PHF21B: variants seen among roughly 807,000 people sequenced by gnomAD.
PHF21B encodes PHD finger protein 21B.
PHF21B carries 22 observed loss-of-function variants against 62.2 expected under a neutral mutation model. The ratio of observed to expected loss-of-function variants is 0.35; its 90% confidence interval spans 0.25 to 0.51. PHF21B has a LOEUF of 0.51. Ranked by LOEUF, PHF21B falls within the 20% of genes least tolerant of loss-of-function variation. The pLI is 0.97. For missense variants in PHF21B, 701 were observed against 707.9 expected, an observed-to-expected ratio of 0.99 and a Z score of 0.11; for synonymous variants, 341 against 314.7, an observed-to-expected ratio of 1.08 and a Z score of -0.88.
At chr22:44,903,484 C>A (rs971493576) in intron 5 of PHF21B, among the ~76,000 whole-genome samples, 9 of 151,950 alleles carry the variant, frequency 5.9e-5, no homozygotes, top group African/African-American at 1.7e-4. Context: ...GAAAAAAATT[C>A]TTGTTGCTAT....
intron 2 of PHF21B, among the ~76,000 whole-genome samples, chr22:44,937,123 C>G (rs1456746395): frequency 1.3e-5 from 2 of 152,158 alleles, no homozygotes; most frequent in African/African-American, 4.8e-5. Flanking sequence ...GCCTCGGCCT[C>G]CCAAACTGCT....
chr22:44,932,978 AG>A (rs2071770803), intron 2 of PHF21B, among the ~76,000 whole-genome samples: 1 of 152,252 alleles, frequency 6.6e-6, no homozygotes, highest in Non-Finnish European at 1.5e-5. Flanking sequence ...GGTGCCCACA[AG>A]CCCCTCAAAG....
chr22:44,948,499 C>T (rs545377105), intron 2 of PHF21B, among the ~76,000 whole-genome samples: 5 of 151,818 alleles, frequency 3.3e-5, no homozygotes, highest in Non-Finnish European at 5.9e-5. Context: ...CTAGCCAACA[C>T]GGCAAAATCC....
intron 2 of PHF21B, among the ~76,000 whole-genome samples, chr22:44,936,867 T>A: frequency 1.7e-5 from 1 of 60,428 alleles, no homozygotes; most frequent in East Asian, 7.1e-4. Flanking sequence ...ATCCACTTTC[T>A]TTCTTTTTTT....
rs144043506 is a variant in PHF21B at position 44,916,500 on chromosome 22, G to C, written c.344C>G (p.Thr115Ser). 1 of 1,608,684 alleles carries C rather than the reference G, an allele frequency of 6.2e-7. No homozygotes were observed. Among genetic ancestry groups the C allele is most frequent in the African/African-American group, 1.3e-5 (1 of 75,030 alleles). Residue 115 changes from threonine to serine, a missense_variant, in exon 4 of 13, where the codon ACC (threonine) becomes AGC (serine). By Grantham distance (58) the Thr-to-Ser change is moderately conservative. Transcript: ENST00000313237. ...SVKNPSPALP[T>S]ANNTVSHVPA... Reference sequence around the variant, plus strand: ...CACATGGCTGACAGTGTTGTTGGCGGTGGGGAGGGCTGGGCTGGGGTTCTT... The same window carrying C: ...CACATGGCTGACAGTGTTGTTGGCGCTGGGGAGGGCTGGGCTGGGGTTCTT...
intron 2 of PHF21B, among the ~76,000 whole-genome samples, chr22:44,979,613 G>A (rs2072801044): frequency 6.6e-6 from 1 of 152,176 alleles, no homozygotes; most frequent in Non-Finnish European, 1.5e-5. Flanking sequence ...TCCCCTCTTG[G>A]CTCCTCCAGC....
chr22:44,954,730 G>A (rs556878059), intron 2 of PHF21B, among the ~76,000 whole-genome samples: 2 of 152,208 alleles, frequency 1.3e-5, no homozygotes, highest in Non-Finnish European at 2.9e-5. Flanking sequence ...GGCACCGAGC[G>A]TATTGTGTTT....
intron 2 of PHF21B, among the ~76,000 whole-genome samples, chr22:44,928,901 C>T (rs906692172): frequency 6.6e-6 from 1 of 152,218 alleles, no homozygotes; most frequent in Non-Finnish European, 1.5e-5. Context: ...ACCGCTGAGG[C>T]CCCACTGCCG....
In PHF21B at chr22:44,883,182, C is replaced by T. The variant is rs771448144; in HGVS notation, c.1500G>A (p.Thr500=). 12 of 1,613,390 alleles carry T rather than the reference C, an allele frequency of 7.4e-6. No individual in the cohort carries two copies. Among genetic ancestry groups the T allele is most frequent in the South Asian group, 2.2e-5 (2 of 91,064 alleles). ...QGEQLLQVTM[T]TTSPAPLLAG... The stretch of plus-strand genomic sequence containing the variant: ...CCAGCAGTGGGGCAGGGCTAGTGGT[C>T]GTCATGGTGACCTGGAGCAGCTGCT... The change falls in exon 13 of 13, where the codon ACG becomes ACA. Residue 500 remains threonine (T), a synonymous_variant. Transcript: ENST00000313237.
Position 44,893,556 on chromosome 22 carries a change from G to C in PHF21B, c.884-23C>G, listed in dbSNP as rs2071004787. On this transcript the variant is annotated intron_variant, in intron 6 of 12. Coordinates refer to ENST00000313237, the MANE Select transcript of PHF21B (RefSeq NM_138415.5). ...TTTCTGGAAAGGCACAGACACAGCA[G>C]TTACTGGGTCCTGCCTGCCCTGGGA... 1.9e-6 allele frequency: 3 copies of C among 1,582,118 alleles called. No homozygotes were observed. In the African/African-American group the frequency reaches 4.0e-5, roughly 21 times the overall value.
intron 5 of PHF21B, among the ~76,000 whole-genome samples, chr22:44,905,607 G>C (rs1246952766): frequency 2.0e-5 from 3 of 152,024 alleles, no homozygotes; most frequent in East Asian, 1.9e-4. Context: ...AGACTTACCT[G>C]GGCACAATTT....
At chr22:44,990,517 G>T (rs976341181) in intron 2 of PHF21B, among the ~76,000 whole-genome samples, 9 of 152,328 alleles carry the variant, frequency 5.9e-5, no homozygotes, top group African/African-American at 2.2e-4. Flanking sequence ...GCTACAACAT[G>T]CGTGAATTAC....
At chr22:45,005,338 C>T (rs1270282266) in intron 2 of PHF21B, among the ~76,000 whole-genome samples, 2 of 152,222 alleles carry the variant, frequency 1.3e-5, no homozygotes, top group Non-Finnish European at 2.9e-5. Flanking sequence ...AACTCATCAG[C>T]TCTGACCAAC....
intron 2 of PHF21B, among the ~76,000 whole-genome samples, chr22:44,954,943 G>A (rs1344317713): frequency 2.6e-5 from 4 of 152,216 alleles, no homozygotes; most frequent in Non-Finnish European, 5.9e-5. Flanking sequence ...CAGGACGGGT[G>A]ATGTTGGGAG....
chr22:44,935,924 C>T (rs1440202224), intron 2 of PHF21B, among the ~76,000 whole-genome samples: 1 of 152,136 alleles, frequency 6.6e-6, no homozygotes, highest in Non-Finnish European at 1.5e-5. Flanking sequence ...GGGCTGGGGC[C>T]CAGAGCTGAG....
At chr22:44,894,215 G>A (rs952363727) in intron 6 of PHF21B, among the ~76,000 whole-genome samples, 2 of 152,218 alleles carry the variant, frequency 1.3e-5, no homozygotes, top group African/African-American at 4.8e-5. Context: ...GAATAACACA[G>A]GGTCTAAAGA....
intron 8 of PHF21B, 113 bp from the exon 9 acceptor site, chr22:44,889,895 G>T: frequency 1.7e-6 from 2 of 1,173,960 alleles, no homozygotes; most frequent in Non-Finnish European, 2.3e-6. Context: ...AGGGCATGAT[G>T]GGAGCATCAT....
In PHF21B at chr22:44,974,651, C is replaced by G. The variant is rs545429267; in HGVS notation, c.120+33894G>C. Among the ~76,000 whole-genome samples, 19 of 152,256 alleles carry G rather than the reference C, an allele frequency of 1.2e-4. No homozygotes were observed. The South Asian group carries it at 3.7e-3, about 30-fold the overall frequency. On this transcript the variant is annotated intron_variant, in intron 2 of 12. Transcript: ENST00000313237. The stretch of plus-strand genomic sequence containing the variant: ...CCACCTGACCTGCTCATAGATGCAG[C>G]CTGGTGCTATACAGTGTGTGTCCAA...
intron 2 of PHF21B, among the ~76,000 whole-genome samples, chr22:44,939,445 T>G (rs1374462622): frequency 6.6e-6 from 1 of 152,238 alleles, no homozygotes; most frequent in Non-Finnish European, 1.5e-5. Flanking sequence ...CAGGAAGCAC[T>G]GCGCACTGAG....
Sources: allele counts gnomAD v4.1 joint callset (sites outside exome capture counted in the v4.1 genomes callset), GRCh38; gene constraint gnomAD v4.1.1; transcripts MANE v1.5; gene names NCBI Gene and HGNC (gene_info 2026-07-23, HGNC 2026-07-21).